PLXNA4: variants seen among roughly 807,000 people sequenced by gnomAD.
The protein encoded by PLXNA4 is plexin-A4.
PLXNA4 carries 44 observed loss-of-function variants against 191.8 expected under a neutral mutation model. That is an observed-to-expected ratio of 0.23 (90% CI 0.18 to 0.29). PLXNA4 has a LOEUF of 0.29. Among genes scored for constraint, PLXNA4 ranks in the 10% least tolerant of loss-of-function variants. The pLI, the probability that PLXNA4 is intolerant of heterozygous loss-of-function variation, is 1.00. For missense variants in PLXNA4, 1,800 were observed against 2,488.8 expected (o/e 0.72, Z 5.89); for synonymous variants, 1,082 against 1,009.5 (o/e 1.07, Z -1.36).
At position 132,555,057 on chromosome 7, in the gene PLXNA4, C is replaced by CAAAAAAAAAAAAAACA. The variant is rs1329396023; in HGVS notation, c.-87+21364_-87+21365insTGTTTTTTTTTTTTTT. 1.4e-3 allele frequency among the ~76,000 whole-genome samples: 190 copies of CAAAAAAAAAAAAAACA among 131,954 alleles called. 2 individuals carry two copies. Among genetic ancestry groups the CAAAAAAAAAAAAAACA allele is most frequent in the Admixed American group, 1.5e-3 (21 of 13,692 alleles). 86.6% of individuals were successfully genotyped at this position (131,954 alleles called of 152,430 possible). On this transcript the variant is annotated intron_variant, in intron 1 of 31. Transcript: ENST00000321063. ...GGTAAACCTGAAGGAAAAAAAAAAA[C>CAAAAAAAAAAAAAACA]AAAAAAAAAACAGTAACCATCACCA...
intron 4 of PLXNA4, among the ~76,000 whole-genome samples, chr7:132,254,633 C>T (rs1374799021): frequency 6.6e-6 from 1 of 152,212 alleles, no homozygotes; most frequent in African/African-American, 2.4e-5. Flanking sequence ...CGGCGCTGTG[C>T]CAGCCTTCAT....
At chr7:132,500,335 C>A (rs1798193993) in intron 2 of PLXNA4, among the ~76,000 whole-genome samples, 1 of 152,056 alleles carries the variant, frequency 6.6e-6, no homozygotes, top group Non-Finnish European at 1.5e-5. Flanking sequence ...CCCAGCTACT[C>A]AGGAGGCTGA....
At chr7:132,259,139 A>G (rs1443036013) in intron 4 of PLXNA4, among the ~76,000 whole-genome samples, 1 of 152,174 alleles carries the variant, frequency 6.6e-6, no homozygotes, top group Non-Finnish European at 1.5e-5. Flanking sequence ...GAGCCACTTC[A>G]GGGTTTAGAG....
intron 3 of PLXNA4, among the ~76,000 whole-genome samples, chr7:132,365,166 A>G (rs534165258): frequency 1.3e-5 from 2 of 152,268 alleles, no homozygotes; most frequent in East Asian, 3.9e-4. Context: ...CATCTCATTG[A>G]AGTCTATGTC....
intron 3 of PLXNA4, among the ~76,000 whole-genome samples, chr7:132,308,061 C>A (rs1273896260): frequency 6.6e-6 from 1 of 152,128 alleles, no homozygotes; most frequent in Non-Finnish European, 1.5e-5. Flanking sequence ...TCCAAACCTT[C>A]CCCACCTGCT....
At chr7:132,328,619 G>T (rs1802468840) in intron 3 of PLXNA4, among the ~76,000 whole-genome samples, 1 of 152,208 alleles carries the variant, frequency 6.6e-6, no homozygotes, top group Non-Finnish European at 1.5e-5. Context: ...GAAATAAAGG[G>T]TAATCACTCC....
rs531881919 is a variant in PLXNA4 at position 132,514,620 on chromosome 7, T to C, written c.-86-5841A>G. ...CATGTAATCAGTTGAAGGTCATGAATAGAACAAAAGACTGGCCTCCTCTGA... is the reference window on the plus strand; with the variant it reads ...CATGTAATCAGTTGAAGGTCATGAACAGAACAAAAGACTGGCCTCCTCTGA... On this transcript the variant is annotated intron_variant, in intron 1 of 31. Coordinates refer to ENST00000321063, the MANE Select transcript of PLXNA4 (RefSeq NM_020911.2). Among the ~76,000 whole-genome samples the C allele has an allele frequency of 2.6e-5, 4 of 152,190 alleles. No homozygotes were observed. In the East Asian group the frequency reaches 7.8e-4, roughly 30 times the overall value.
At chr7:132,135,553 C>A (rs575831831) in intron 30 of PLXNA4, among the ~76,000 whole-genome samples, 1 of 152,298 alleles carries the variant, frequency 6.6e-6, no homozygotes, top group Non-Finnish European at 1.5e-5. Context: ...GTGAAGAGAC[C>A]ATCACTAGGG....
chr7:132,607,554 C>T (rs1802949910), intron 2 of PLXNA4, among the ~76,000 whole-genome samples: 1 of 152,230 alleles, frequency 6.6e-6, no homozygotes, highest in Admixed American at 6.5e-5. Context: ...CTACCTTTGA[C>T]AGAAGCACCT....
rs76941615 is a variant in PLXNA4 at position 132,460,945 on chromosome 7, A to G, written c.1371+28347T>C. Reference sequence around the variant, plus strand: ...GCAAGCAGAAAGATATTGCAGCCCCAAAAAGTAAAAAATAAAAAAGATGAG... The same window carrying G: ...GCAAGCAGAAAGATATTGCAGCCCCGAAAAGTAAAAAATAAAAAAGATGAG... On this transcript the variant is annotated intron_variant, in intron 3 of 31. Coordinates refer to ENST00000321063, the MANE Select transcript of PLXNA4 (RefSeq NM_020911.2). Among the ~76,000 whole-genome samples, 703 of 152,294 alleles carry G rather than the reference A, an allele frequency of 4.6e-3. 9 individuals are homozygous for G. Among genetic ancestry groups the G allele is most frequent in the African/African-American group, 0.016 (645 of 41,560 alleles).
At chr7:132,302,131 G>C (rs1801331673) in intron 3 of PLXNA4, among the ~76,000 whole-genome samples, 1 of 152,174 alleles carries the variant, frequency 6.6e-6, no homozygotes, top group African/African-American at 2.4e-5. Flanking sequence ...AGAGAGAATT[G>C]ACTAAGAGAC....
At chr7:132,519,179 G>C (rs1376802656) in intron 1 of PLXNA4, among the ~76,000 whole-genome samples, 1 of 152,236 alleles carries the variant, frequency 6.6e-6, no homozygotes, top group Non-Finnish European at 1.5e-5. Flanking sequence ...AGGCCAGCCA[G>C]GAATTTGGAG....
At chr7:132,456,103 CCTCTG>C (rs1421418581) in intron 3 of PLXNA4, among the ~76,000 whole-genome samples, 1 of 148,746 alleles carries the variant, frequency 6.7e-6, no homozygotes, top group Non-Finnish European at 1.5e-5. Context: ...CTTCGCATCT[CCTCTG>C]TTCTTTTTTT....
chr7:132,162,028 G>A (rs1176714926), intron 24 of PLXNA4, among the ~76,000 whole-genome samples: 2 of 152,126 alleles, frequency 1.3e-5, no homozygotes, highest in African/African-American at 4.8e-5. Flanking sequence ...TGGTACACTC[G>A]CTTTCTCCCC....
At chr7:132,172,601 A>G (rs183135832) in intron 21 of PLXNA4, among the ~76,000 whole-genome samples, 1 of 152,224 alleles carries the variant, frequency 6.6e-6, no homozygotes, top group East Asian at 1.9e-4. Flanking sequence ...AGCAAATAAG[A>G]AAAACAGTGA....
rs1205488846 is a variant in PLXNA4, at chr7:132,160,440, C to T, written c.4501-808G>A. ...TTTATTTTTTTTCCTTTAAAAAGTT[C>T]TGGGCTTTTCCTTTAAAAAGAACAA... On this transcript the variant is annotated intron_variant, in intron 24 of 31. Coordinates refer to ENST00000321063, the MANE Select transcript of PLXNA4 (RefSeq NM_020911.2). 2.0e-5 allele frequency among the ~76,000 whole-genome samples: 3 copies of T among 152,230 alleles called. No individual in the cohort carries two copies. In the East Asian group the frequency reaches 5.8e-4, roughly 29 times the overall value.
At chr7:132,342,336 TTA>T (rs1803061900) in intron 3 of PLXNA4, among the ~76,000 whole-genome samples, 1 of 151,434 alleles carries the variant, frequency 6.6e-6, no homozygotes, top group African/African-American at 2.4e-5. Flanking sequence ...AGTAATATGC[TTA>T]GTCCAATAAA....
At chr7:132,279,141 T>C (rs146586348) in intron 4 of PLXNA4, among the ~76,000 whole-genome samples, 3 of 152,326 alleles carry the variant, frequency 2.0e-5, no homozygotes, top group South Asian at 4.1e-4. Flanking sequence ...ACAGAGTCCA[T>C]TGTGGTCATC....
chr7:132,256,315 A>T (rs1799429479), intron 4 of PLXNA4, among the ~76,000 whole-genome samples: 1 of 152,262 alleles, frequency 6.6e-6, no homozygotes, highest in African/African-American at 2.4e-5. Flanking sequence ...GGCAGGTAGC[A>T]TGCCATACGT....
Sources: allele counts gnomAD v4.1 joint callset (sites outside exome capture counted in the v4.1 genomes callset), GRCh38; gene constraint gnomAD v4.1.1; transcripts MANE v1.5; gene names NCBI Gene and HGNC (gene_info 2026-07-23, HGNC 2026-07-21).